Variants in PCDHGA10 observed in about 807,000 individuals in gnomAD.
The protein encoded by PCDHGA10 is protocadherin gamma subfamily A, 10, also known as protocadherin gamma-A10.
Under a neutral mutation model 59.5 loss-of-function variants are expected in PCDHGA10, and 42 were observed. The observed-to-expected ratio is 0.71, with a 90% CI of 0.55 to 0.91. The LOEUF (loss-of-function observed/expected upper bound fraction) is 0.91, where lower values mean the gene tolerates loss of function less well. Ranked by LOEUF, PCDHGA10 falls within the 40% of genes least tolerant of loss-of-function variation. PCDHGA10 has a pLI of 0.00. For synonymous variants in PCDHGA10, 511 were observed against 517.2 expected (o/e 0.99, Z 0.16); for missense variants, 1,111 against 1,198.2 (o/e 0.93, Z 1.07).
chr5:141,428,117 G>A lies in PCDHGA10; in HGVS notation c.2436+12506G>A, dbSNP rs980705077. 5 of 1,606,984 alleles carry A rather than the reference G, an allele frequency of 3.1e-6. No individual in the cohort carries two copies. The African/African-American group carries it at 6.7e-5, about 21-fold the overall frequency. Reference sequence around the variant, plus strand: ...CCTACCACGTGCTGCAGGCCATCGAGCCCGGGCTTTTCAGCCTGGGGCTGC... The same window carrying A: ...CCTACCACGTGCTGCAGGCCATCGAACCCGGGCTTTTCAGCCTGGGGCTGC... On this transcript the variant is annotated intron_variant, in intron 1 of 3. Coordinates refer to ENST00000398610, the MANE Select transcript of PCDHGA10 (RefSeq NM_018913.3).
intron 1 of PCDHGA10, chr5:141,418,575 C>T (rs2154547779): frequency 6.2e-7 from 1 of 1,614,018 alleles, no homozygotes; most frequent in East Asian, 2.2e-5. Context: ...AATGACAACC[C>T]CCCAGTGTTC....
chr5:141,491,702 T>A lies in PCDHGA10; in HGVS notation c.2437-3105T>A. The A allele has an allele frequency of 6.2e-7, 1 of 1,611,514 alleles. No homozygotes were observed. Among genetic ancestry groups the A allele is most frequent in the Non-Finnish European group, 8.5e-7 (1 of 1,178,984 alleles). ...AATACGCTGCGGGAGCGGAGCCAGG[T>A]GAGGGGCTCGGCGCCGCCCCGGGCG... On this transcript the variant is annotated intron_variant, in intron 1 of 3. Coordinates refer to ENST00000398610, the MANE Select transcript of PCDHGA10 (RefSeq NM_018913.3). The surrounding 1 kb of genome is among the most constrained non-coding windows in gnomAD (Gnocchi z 6.9).
chr5:141,491,871 C>T lies in PCDHGA10; in HGVS notation c.2437-2936C>T, dbSNP rs1222191027. 2.1e-6 allele frequency: 3 copies of T among 1,451,434 alleles called. No individual in the cohort carries two copies. Among genetic ancestry groups the T allele is most frequent in the Non-Finnish European group, 2.7e-6 (3 of 1,098,418 alleles). 89.9% of individuals were successfully genotyped at this position (1,451,434 alleles called of 1,614,324 possible). ...ACCGTTTGCGCGAAACCAGAGTGGC[C>T]GATTAAGGGATGGGGCTCCGAGCAC... On this transcript the variant is annotated intron_variant, in intron 1 of 3. Transcript: ENST00000398610. The surrounding 1 kb of genome is among the most constrained non-coding windows in gnomAD (Gnocchi z 6.9).
chr5:141,427,742 C>T, intron 1 of PCDHGA10: 2 of 1,247,208 alleles, frequency 1.6e-6, no homozygotes, highest in Non-Finnish European at 2.3e-6. Context: ...GCCAAGTCTC[C>T]TACTCCATCG....
At chr5:141,457,289 G>C (rs907200077) in intron 1 of PCDHGA10, among the ~76,000 whole-genome samples, 2 of 152,146 alleles carry the variant, frequency 1.3e-5, no homozygotes, top group African/African-American at 4.8e-5. Flanking sequence ...GAAGTTCCTT[G>C]GTTTTATTTT....
intron 1 of PCDHGA10, among the ~76,000 whole-genome samples, chr5:141,471,706 A>G (rs2099262749): frequency 6.6e-6 from 1 of 152,212 alleles, no homozygotes; most frequent in African/African-American, 2.4e-5. Context: ...CTGGAATAGA[A>G]GTGCCACTTA....
rs1390739125 is a variant in PCDHGA10 at position 141,490,094 on chromosome 5, C to T, written c.2437-4713C>T. ...CTAGACTATTCTTTTGGAGACCACA[C>T]ATCTGAGGCAGTGCGGAACCTCTTT... On this transcript the variant is annotated intron_variant, in intron 1 of 3. Coordinates refer to ENST00000398610, the MANE Select transcript of PCDHGA10 (RefSeq NM_018913.3). This position sits in a 1 kb window ranked among gnomAD's most constrained non-coding sequence, Gnocchi z 5.4. 1 of 1,614,250 alleles carries T rather than the reference C, an allele frequency of 6.2e-7. No individual in the cohort carries two copies. The highest frequency in any genetic ancestry group is 2.2e-5 in the East Asian group (1 of 44,888).
intron 2 of PCDHGA10, among the ~76,000 whole-genome samples, chr5:141,500,023 G>C (rs1393994881): frequency 1.3e-5 from 2 of 151,754 alleles, no homozygotes; most frequent in Admixed American, 6.6e-5. Flanking sequence ...TTTTATATTT[G>C]AGTGAGTGTC....
rs764337284 is a variant in PCDHGA10, at chr5:141,490,255, G to A, written c.2437-4552G>A. Reference sequence around the variant, plus strand: ...GGAGGGCCACTGTGTGATTCAAGTGGATGTGGGGGATGTCAATGACAATGC... The same window carrying A: ...GGAGGGCCACTGTGTGATTCAAGTGAATGTGGGGGATGTCAATGACAATGC... On this transcript the variant is annotated intron_variant, in intron 1 of 3. Transcript: ENST00000398610. The surrounding 1 kb of genome is among the most constrained non-coding windows in gnomAD (Gnocchi z 5.4). 6 of 1,614,118 alleles carry A rather than the reference G, an allele frequency of 3.7e-6. No individual in the cohort carries two copies. In the Admixed American group the frequency reaches 6.7e-5, roughly 18 times the overall value.
At position 141,511,462 on chromosome 5, in the gene PCDHGA10, C is replaced by A. The variant is rs1385398410; in HGVS notation, c.*289C>A. ...AGACACCAAGAACCATTTGCCACAC[C>A]CCGTTTAGTTACAGCTGAACTCCTC... On this transcript the variant is annotated 3_prime_UTR_variant, in exon 4 of 4. Coordinates refer to ENST00000398610, the MANE Select transcript of PCDHGA10 (RefSeq NM_018913.3). The A allele has an allele frequency of 4.7e-5, 26 of 556,350 alleles. No individual in the cohort carries two copies. Among genetic ancestry groups the A allele is most frequent in the Non-Finnish European group, 9.1e-6 (3 of 329,202 alleles). 34.5% of individuals were successfully genotyped at this position (556,350 alleles called of 1,614,324 possible). A position where few individuals can be genotyped will look rare whatever the true frequency, so the allele number is the denominator to read the frequency against.
At chr5:141,420,101 T>C (rs1160215468) in intron 1 of PCDHGA10, 1 of 1,613,928 alleles carries the variant, frequency 6.2e-7, no homozygotes, top group Non-Finnish European at 8.5e-7. Flanking sequence ...TGAGGGAACG[T>C]TGCCCTATGC....
Position 141,476,793 on chromosome 5 carries a change from C to T in PCDHGA10, c.2437-18014C>T, listed in dbSNP as rs754785656. ...GACGGAGGGACCCCAGCTCTCTCCG[C>T]CAGCCTGCCTATTCACATCAAGGTG... On this transcript the variant is annotated intron_variant, in intron 1 of 3. Transcript: ENST00000398610. The surrounding 1 kb of genome is among the most constrained non-coding windows in gnomAD (Gnocchi z 7.6). 1.2e-6 allele frequency: 2 copies of T among 1,613,642 alleles called. No homozygotes were observed. The highest frequency in any genetic ancestry group is 2.2e-5 in the East Asian group (1 of 44,868).
intron 1 of PCDHGA10, among the ~76,000 whole-genome samples, chr5:141,446,022 T>C (rs2098484874): frequency 1.3e-5 from 2 of 152,198 alleles, no homozygotes; most frequent in Admixed American, 1.3e-4. Flanking sequence ...TATGGCAATA[T>C]TCCTGGTAAG....
At chr5:141,458,651 C>T (rs924873907) in intron 1 of PCDHGA10, among the ~76,000 whole-genome samples, 1 of 152,114 alleles carries the variant, frequency 6.6e-6, no homozygotes. Context: ...CTCACTGCAA[C>T]CTCCACCTCT....
chr5:141,422,018 T>C, intron 1 of PCDHGA10: 1 of 1,610,840 alleles, frequency 6.2e-7, no homozygotes, highest in Non-Finnish European at 8.5e-7. Context: ...CGGGTGCTGA[T>C]GGTTAATGCA....
At position 141,414,130 on chromosome 5, in the gene PCDHGA10, T is replaced by C. The variant is rs761622500; in HGVS notation, c.955T>C (p.Tyr319His). The C allele has an allele frequency of 6.3e-7, 1 of 1,594,602 alleles. No homozygotes were observed. The highest frequency in any genetic ancestry group is 1.1e-5 in the South Asian group (1 of 88,690). Residue 319 changes from tyrosine (Y) to histidine (H), a missense_variant, in exon 1 of 4, where the codon TAT becomes CAT. Physicochemically the swap from Tyr to His is moderately conservative, Grantham distance 83 (BLOSUM62 2). Coordinates refer to ENST00000398610, the MANE Select transcript of PCDHGA10 (RefSeq NM_018913.3). ...ENLDYEETGF[Y>H]EIEIQAEDGG... Reference sequence around the variant, plus strand: ...TCTAGATTATGAAGAAACCGGTTTCTATGAAATAGAAATACAAGCAGAAGA... The same window carrying C: ...TCTAGATTATGAAGAAACCGGTTTCCATGAAATAGAAATACAAGCAGAAGA...
At position 141,414,704 on chromosome 5, in the gene PCDHGA10, C is replaced by A. The variant is rs778708386; in HGVS notation, c.1529C>A (p.Ser510Tyr). The change falls in exon 1 of 4, where the codon TCC (serine) becomes TAC (tyrosine). Residue 510 changes from serine to tyrosine, a missense_variant. Coordinates refer to ENST00000398610, the MANE Select transcript of PCDHGA10 (RefSeq NM_018913.3). Reference protein sequence around the residue: ...IQGVPLSSYISINSDTGVLYA... With the variant: ...IQGVPLSSYIYINSDTGVLYA... ...GGGGTACCTCTGTCCTCATACATAT[C>A]CATCAACTCAGACACTGGCGTCCTG... The A allele has an allele frequency of 5.0e-6, 8 of 1,614,036 alleles. No homozygotes were observed. Among genetic ancestry groups the A allele is most frequent in the Non-Finnish European group, 5.9e-6 (7 of 1,179,940 alleles).
At chr5:141,464,137 C>T (rs1015442185) in intron 1 of PCDHGA10, among the ~76,000 whole-genome samples, 9 of 151,928 alleles carry the variant, frequency 5.9e-5, no homozygotes, top group Non-Finnish European at 7.4e-5. Context: ...TGGTGGTGGG[C>T]GCCTGTAGTC....
intron 1 of PCDHGA10, among the ~76,000 whole-genome samples, chr5:141,454,204 T>G (rs1161344350): frequency 3.3e-5 from 5 of 152,170 alleles, no homozygotes; most frequent in Non-Finnish European, 1.5e-5. Context: ...GTGAATTTAT[T>G]GACATGAATG....
Sources: allele counts gnomAD v4.1 joint callset (sites outside exome capture counted in the v4.1 genomes callset), GRCh38; gene constraint gnomAD v4.1.1; non-coding constraint Gnocchi (gnomAD v3.1); transcripts MANE v1.5; gene names NCBI Gene and HGNC (gene_info 2026-07-23, HGNC 2026-07-21).